Variants in TTC34 observed in about 807,000 individuals in gnomAD.
TTC34 encodes the protein tetratricopeptide repeat domain 34.
In TTC34, 44 loss-of-function variants were observed where a neutral mutation model predicts 40.7. The ratio of observed to expected loss-of-function variants is 1.08; its 90% confidence interval spans 0.85 to 1.39. TTC34 has a LOEUF of 1.39. TTC34 is among the 40% of genes most tolerant of loss of function. The probability of loss-of-function intolerance (pLI) is 0.00; values close to 1 mark genes in which losing one functional copy is unlikely to be tolerated. For missense variants in TTC34, 884 were observed against 838.0 expected, an observed-to-expected ratio of 1.05 and a Z score of -0.68; for synonymous variants, 422 against 398.6, an observed-to-expected ratio of 1.06 and a Z score of -0.70.
intron 6 of TTC34, among the ~76,000 whole-genome samples, chr1:2,688,203 C>CA (rs1296846810): frequency 2.8e-4 from 40 of 141,576 alleles, no homozygotes; most frequent in Middle Eastern, 3.7e-3. Context: ...GAGCAGCACC[C>CA]CACACCCCCA....
intron 6 of TTC34, among the ~76,000 whole-genome samples, chr1:2,769,629 A>G (rs1569763120): frequency 8.8e-6 from 1 of 113,822 alleles, no homozygotes; most frequent in Non-Finnish European, 1.7e-5. Context: ...CAGCACCCAC[A>G]CCCCCAGGTG....
At chr1:2,653,112 G>A (rs1043785515) in intron 6 of TTC34, among the ~76,000 whole-genome samples, 5 of 152,274 alleles carry the variant, frequency 3.3e-5, no homozygotes, top group African/African-American at 9.6e-5. Flanking sequence ...CGACAGCCTG[G>A]AGCAGCACCC....
At chr1:2,676,902 C>G (rs1639923293) in intron 6 of TTC34, among the ~76,000 whole-genome samples, 1 of 135,310 alleles carries the variant, frequency 7.4e-6, no homozygotes, top group African/African-American at 2.8e-5. Context: ...AGGTGAGCAT[C>G]TGACAGCCTG....
In TTC34 at chr1:2,771,466, C is replaced by G. The variant is rs1193408348; in HGVS notation, c.2226+12143G>C. On this transcript the variant is annotated intron_variant, in intron 6 of 8. Transcript: ENST00000401095. The stretch of plus-strand genomic sequence containing the variant: ...CAACCCCAGGTGAGCATCTGACAGT[C>G]TGGAACAGCATCCACACCCCCAGGC... Among the ~76,000 whole-genome samples the G allele has an allele frequency of 4.8e-5, 4 of 83,014 alleles. 1 individual carries two copies. The highest frequency in any genetic ancestry group is 8.7e-5 in the Non-Finnish European group (4 of 45,944). The allele number at this position is 83,014 out of a possible 152,430, so 54.5% of individuals were successfully genotyped here.
chr1:2,776,320 C>G (rs572791112), intron 6 of TTC34: 20 of 135,438 alleles, frequency 1.5e-4, no homozygotes, highest in Admixed American at 1.4e-3. Context: ...GGAACAAGAC[C>G]ACTGCCCCCA....
intron 6 of TTC34, among the ~76,000 whole-genome samples, chr1:2,769,613 C>G (rs1287360581): frequency 2.2e-5 from 3 of 133,936 alleles, no homozygotes; most frequent in Non-Finnish European, 3.1e-5. Context: ...ATCTGACAGC[C>G]TGGAACAGCA....
exon 6 of TTC34, chr1:2,783,770 G>C (rs1643528133): frequency 6.6e-7 from 1 of 1,504,286 alleles, no homozygotes; most frequent in African/African-American, 1.4e-5. Flanking sequence ...TCACTTGCCT[G>C]GCTTCCTGCA....
In TTC34 at chr1:2,645,439, G is replaced by T. The variant is rs1344024572; in HGVS notation, c.2351C>A (p.Ala784Asp). 1.2e-5 allele frequency: 19 copies of T among 1,535,514 alleles called. No individual in the cohort carries two copies. The highest frequency in any genetic ancestry group is 2.0e-5 in the Admixed American group (1 of 50,946). Residue 784 changes from alanine (A) to aspartate (D), a missense_variant, in exon 7 of 9, where the codon GCC (alanine) becomes GAC (aspartate). By Grantham distance (126) the Ala-to-Asp change is moderately radical. Transcript: ENST00000401095. The surrounding 1 kb of genome is among the most constrained non-coding windows in gnomAD (Gnocchi z 4.7). The stretch of plus-strand genomic sequence containing the variant: ...AGTGTCTGGCAGCTGGCTCAGAAGG[G>T]CCCGGCAGTGGGAGTAGAGGCCCTG...
intron 3 of TTC34, among the ~76,000 whole-genome samples, chr1:2,788,173 A>C (rs1218644422): frequency 1.3e-5 from 2 of 152,234 alleles, no homozygotes; most frequent in Non-Finnish European, 2.9e-5. Context: ...AACAAATATA[A>C]ATGCCATCAC....
chr1:2,697,871 A>AAGC, intron 6 of TTC34, among the ~76,000 whole-genome samples: 1 of 108,514 alleles, frequency 9.2e-6, no homozygotes. Flanking sequence ...TGACAGCCTG[A>AAGC]AGCAGCACCC....
chr1:2,755,264 C>T (rs1179653059), intron 6 of TTC34, among the ~76,000 whole-genome samples: 1 of 50,026 alleles, frequency 2.0e-5, no homozygotes, highest in Non-Finnish European at 3.3e-5. Flanking sequence ...ACCCACACCC[C>T]CTGATGAGCA....
intron 6 of TTC34, among the ~76,000 whole-genome samples, chr1:2,697,820 TCAGAC>T (rs1640939979): frequency 6.8e-6 from 1 of 146,554 alleles, no homozygotes; most frequent in Admixed American, 6.8e-5. Context: ...CGGGTGAGGA[TCAGAC>T]AGCCTGGAGC....
chr1:2,755,983 C>A (rs1391982282), intron 6 of TTC34, among the ~76,000 whole-genome samples: 1 of 63,310 alleles, frequency 1.6e-5, no homozygotes, highest in Non-Finnish European at 2.7e-5. Context: ...CAGCACCCTG[C>A]AACCCAGGTG....
chr1:2,651,031 C>T (rs772315210), intron 6 of TTC34, among the ~76,000 whole-genome samples: 2 of 150,146 alleles, frequency 1.3e-5, no homozygotes, highest in East Asian at 2.0e-4. Context: ...TCCACGCCTT[C>T]GGGGGGGCAT....
At chr1:2,692,545 C>A (rs539295447) in intron 6 of TTC34, among the ~76,000 whole-genome samples, 73 of 75,350 alleles carry the variant, frequency 9.7e-4, no homozygotes, top group African/African-American at 2.3e-3. Flanking sequence ...GCACCCACAC[C>A]CCCAGGCGAG....
At chr1:2,749,652 G>C (rs1641253799) in intron 6 of TTC34, among the ~76,000 whole-genome samples, 2 of 111,688 alleles carry the variant, frequency 1.8e-5, no homozygotes, top group African/African-American at 9.0e-5. Context: ...ACCCAGAGGT[G>C]AGCATCCGAC....
intron 6 of TTC34, among the ~76,000 whole-genome samples, chr1:2,688,198 GCACCCCACACCCC>G (rs1640457008): frequency 2.6e-5 from 3 of 113,916 alleles, no homozygotes; most frequent in Admixed American, 9.8e-5. Flanking sequence ...GCCTGGAGCA[GCACCCCACACCCC>G]CAGGGGAGCA....
chr1:2,793,053 T>A (rs1449854713), intron 2 of TTC34, among the ~76,000 whole-genome samples: 1 of 152,260 alleles, frequency 6.6e-6, no homozygotes, highest in Non-Finnish European at 1.5e-5. Flanking sequence ...CACAGTGACT[T>A]GAAGCCAACT....
At chr1:2,673,442 G>T (rs1482516820) in intron 6 of TTC34, among the ~76,000 whole-genome samples, 1 of 80,994 alleles carries the variant, frequency 1.2e-5, no homozygotes, top group Admixed American at 1.1e-4. Context: ...ACACCCACAG[G>T]TGAGCATCTG....
Sources: gnomAD v4.1 joint callset for allele counts (sites outside exome capture counted in the v4.1 genomes callset) on GRCh38, gnomAD v4.1.1 for gene constraint, Gnocchi (gnomAD v3.1) non-coding constraint, MANE v1.5 for transcripts, NCBI Gene and HGNC (gene_info 2026-07-23, HGNC 2026-07-21) for gene names.